RPS6KC1: variants seen among roughly 807,000 people sequenced by gnomAD.
RPS6KC1 encodes the protein inactive ribosomal protein S6 kinase delta-1.
RPS6KC1 carries 54 observed loss-of-function variants against 103.8 expected under a neutral mutation model. The observed-to-expected ratio is 0.52, with a 90% CI of 0.42 to 0.65. The LOEUF (loss-of-function observed/expected upper bound fraction) is 0.65, where lower values mean the gene tolerates loss of function less well. Ranked by LOEUF, RPS6KC1 falls within the 30% of genes least tolerant of loss-of-function variation. The pLI is 0.00. For missense variants in RPS6KC1, 1,151 were observed against 1,253.8 expected (o/e 0.92, Z 1.24); for synonymous variants, 439 against 438.7 (o/e 1.00, Z -0.01).
At chr1:213,511,688 C>T in the RPS6KC1 span, among the ~76,000 whole-genome samples, 46 of 152,202 alleles carry the variant, frequency 3.0e-4, no homozygotes, top group Non-Finnish European at 2.9e-5. Context: ...CTCCAATAAA[C>T]TAGAGACTGT....
intron 3 of RPS6KC1, among the ~76,000 whole-genome samples, chr1:213,080,817 A>C (rs2079806437): frequency 6.6e-6 from 1 of 152,196 alleles, no homozygotes; most frequent in Non-Finnish European, 1.5e-5. Context: ...CTCCTGCCTC[A>C]GCCTTCCTAA....
At chr1:213,569,822 C>A in the RPS6KC1 span, among the ~76,000 whole-genome samples, 2 of 152,100 alleles carry the variant, frequency 1.3e-5, no homozygotes, top group Admixed American at 6.5e-5. Flanking sequence ...TTGAGAAACT[C>A]GAGGTGAGTT....
the RPS6KC1 span, among the ~76,000 whole-genome samples, chr1:213,834,689 C>A: frequency 6.7e-6 from 1 of 150,054 alleles, no homozygotes; most frequent in African/African-American, 2.5e-5. Flanking sequence ...GAGCCCTTCT[C>A]AAACACACAC....
At chr1:213,559,491 A>G in the RPS6KC1 span, among the ~76,000 whole-genome samples, 1 of 152,216 alleles carries the variant, frequency 6.6e-6, no homozygotes, top group South Asian at 2.1e-4. Context: ...GTTGAAAAAC[A>G]ATGGAGAATG....
At chr1:213,178,651 T>G (rs1027110838) in intron 8 of RPS6KC1, among the ~76,000 whole-genome samples, 1 of 152,072 alleles carries the variant, frequency 6.6e-6, no homozygotes, top group African/African-American at 2.4e-5. Context: ...GAGGGATAAT[T>G]TGGTACTGTC....
the RPS6KC1 span, among the ~76,000 whole-genome samples, chr1:213,382,068 G>A: frequency 6.6e-6 from 1 of 152,222 alleles, no homozygotes. Flanking sequence ...GTTTGTGTGT[G>A]TGGCTTTTTT....
chr1:213,387,312 C>T, the RPS6KC1 span, among the ~76,000 whole-genome samples: 12 of 152,222 alleles, frequency 7.9e-5, no homozygotes, highest in African/African-American at 2.9e-4. Context: ...TTTTATAAAA[C>T]CCATAGGTTT....
chr1:213,278,826 G>A (rs1156587072), downstream of RPS6KC1, among the ~76,000 whole-genome samples: 1 of 152,180 alleles, frequency 6.6e-6, no homozygotes, highest in Admixed American at 6.5e-5. Flanking sequence ...GCTGCAGGAA[G>A]CCTTCCTGTA....
chr1:213,694,958 G>A, the RPS6KC1 span, among the ~76,000 whole-genome samples: 2 of 152,252 alleles, frequency 1.3e-5, no homozygotes, highest in South Asian at 2.1e-4. Flanking sequence ...GTGTGAGAGC[G>A]GCACAGTAGA....
At chr1:213,780,480 T>C in the RPS6KC1 span, among the ~76,000 whole-genome samples, 1 of 152,310 alleles carries the variant, frequency 6.6e-6, no homozygotes, top group South Asian at 2.1e-4. Context: ...ATTTGAGTCA[T>C]ATCTAAGTGC....
At chr1:213,524,875 T>C in the RPS6KC1 span, among the ~76,000 whole-genome samples, 28 of 152,348 alleles carry the variant, frequency 1.8e-4, 1 homozygote, top group African/African-American at 6.7e-4. Flanking sequence ...AACCCCCACT[T>C]TGAGCCTCTC....
At chr1:213,363,689 T>TC in the RPS6KC1 span, among the ~76,000 whole-genome samples, 3 of 108,018 alleles carry the variant, frequency 2.8e-5, no homozygotes, top group East Asian at 2.1e-4. Context: ...TTTCTTTCTT[T>TC]CTTTCTTTCT....
chr1:213,310,186 C>T, the RPS6KC1 span, among the ~76,000 whole-genome samples: 1 of 152,188 alleles, frequency 6.6e-6, no homozygotes, highest in African/African-American at 2.4e-5. Context: ...TGTCTGTTGT[C>T]CACACAGCAG....
chr1:213,093,883 GTCT>G (rs1337599986), intron 3 of RPS6KC1, among the ~76,000 whole-genome samples: 11 of 152,048 alleles, frequency 7.2e-5, no homozygotes, highest in African/African-American at 9.7e-5. Context: ...ACTCTCTTGT[GTCT>G]TCTTCTTTAG....
At chr1:213,710,428 C>T in the RPS6KC1 span, among the ~76,000 whole-genome samples, 4 of 152,228 alleles carry the variant, frequency 2.6e-5, no homozygotes, top group Middle Eastern at 0.014. Flanking sequence ...TGAGATGAGT[C>T]TCCTAAATAC....
the RPS6KC1 span, among the ~76,000 whole-genome samples, chr1:213,810,207 C>T: frequency 6.6e-6 from 1 of 152,090 alleles, no homozygotes; most frequent in African/African-American, 2.4e-5. Flanking sequence ...ATGAAGCAAG[C>T]CTGAGGAGGA....
the RPS6KC1 span, among the ~76,000 whole-genome samples, chr1:213,413,073 C>A: frequency 2.6e-5 from 4 of 152,244 alleles, no homozygotes; most frequent in East Asian, 7.7e-4. Flanking sequence ...TGTAAATGTT[C>A]ATTGAATGAA....
At chr1:213,169,762 T>C (rs559649427) in intron 7 of RPS6KC1, among the ~76,000 whole-genome samples, 2 of 151,448 alleles carry the variant, frequency 1.3e-5, no homozygotes, top group Non-Finnish European at 2.9e-5. Flanking sequence ...AAAGTTTTTT[T>C]AAATTTTTAA....
intron 4 of RPS6KC1, among the ~76,000 whole-genome samples, chr1:213,114,040 T>C (rs1225754238): frequency 5.3e-5 from 8 of 151,588 alleles, no homozygotes; most frequent in Admixed American, 1.3e-4. Context: ...CTTGGCGATG[T>C]GGGCTCTTTT....
Sources: gnomAD v4.1 joint callset for allele counts (sites outside exome capture counted in the v4.1 genomes callset) on GRCh38, gnomAD v4.1.1 for gene constraint, MANE v1.5 for transcripts, NCBI Gene and HGNC (gene_info 2026-07-23, HGNC 2026-07-21) for gene names.